FHDC1: variants seen among roughly 807,000 people sequenced by gnomAD.
FHDC1 encodes FH2 domain containing 1, also known as FH2 domain-containing protein 1.
FHDC1 carries 25 observed loss-of-function variants against 52.6 expected under a neutral mutation model. The ratio of observed to expected loss-of-function variants is 0.48; its 90% confidence interval spans 0.35 to 0.66. FHDC1 has a LOEUF of 0.66. Ranked by LOEUF, FHDC1 falls within the 30% of genes least tolerant of loss-of-function variation. FHDC1 has a pLI of 0.01. For missense variants in FHDC1, 1,459 were observed against 1,452.8 expected, an observed-to-expected ratio of 1.00 and a Z score of -0.07; for synonymous variants, 616 against 581.5, an observed-to-expected ratio of 1.06 and a Z score of -0.85.
the FHDC1 span, among the ~76,000 whole-genome samples, chr4:152,915,346 A>G: frequency 6.6e-6 from 1 of 152,152 alleles, no homozygotes; most frequent in African/African-American, 2.4e-5. Flanking sequence ...CTCCTTCAAT[A>G]TACGTAATTC....
chr4:152,938,137 G>T (rs376047460), intron 1 of FHDC1, among the ~76,000 whole-genome samples: 42 of 151,874 alleles, frequency 2.8e-4, no homozygotes, highest in East Asian at 2.7e-3. Context: ...TTCCTGGAAG[G>T]AGCAGCCGGC....
the FHDC1 span, among the ~76,000 whole-genome samples, chr4:152,926,579 TAA>T: frequency 1.2e-3 from 161 of 128,878 alleles, no homozygotes; most frequent in Admixed American, 1.2e-3. Context: ...CTTGGTTAGT[TAA>T]AAAAAAAAAA....
chr4:152,913,893 C>A, the FHDC1 span, among the ~76,000 whole-genome samples: 2 of 152,140 alleles, frequency 1.3e-5, no homozygotes, highest in Non-Finnish European at 2.9e-5. Context: ...GTGGGTCAGG[C>A]TGGTCTCGAA....
At position 152,975,214 on chromosome 4, in the gene FHDC1, C is replaced by T. The variant is rs151164271; in HGVS notation, c.1923C>T (p.Gly641=). 504 of 1,613,294 alleles carry T rather than the reference C, an allele frequency of 3.1e-4. 1 individual carries two copies. The African/African-American group carries it at 5.2e-3, about 17-fold the overall frequency. The change falls in exon 12 of 12, where the codon GGC becomes GGT. Residue 641 remains glycine, a synonymous_variant. Transcript: ENST00000511601. ...CCTTCCCCAGAGCTCGGCGCCAGGG[C>T]GTCAGTGTCCTCCGAAAGAGGTACA... ...ASAFPRARRQ[G]VSVLRKRYSE...
intron 6 of FHDC1, 47 bp downstream of exon 6, chr4:152,960,891 G>A (rs775916311): frequency 7.8e-6 from 11 of 1,411,340 alleles, no homozygotes; most frequent in South Asian, 2.7e-5. Context: ...TATTAATTTC[G>A]ATAGCAGTTT....
chr4:152,943,226 T>TCCCCCCCCC lies in FHDC1; in HGVS notation c.173_174insCCCCCCCCC (p.Pro63_Pro65dup). The TCCCCCCCCC allele has an allele frequency of 1.2e-6, 2 of 1,603,514 alleles. No homozygotes were observed. The highest frequency in any genetic ancestry group is 1.7e-5 in the Admixed American group (1 of 59,114). On this transcript the variant is annotated inframe_insertion, in exon 2 of 12. Transcript: ENST00000511601. ...ATGTTCAAGGGAAGAGTGTCCTTCC[T>TCCCCCCCCC]CCCCTCCTCCACCCCCACCACCTCC... is the stretch of plus-strand genomic sequence containing the variant.
the FHDC1 span, chr4:152,927,831 A>C: frequency 2.1e-6 from 3 of 1,434,668 alleles, no homozygotes; most frequent in Non-Finnish European, 2.9e-6. Flanking sequence ...CAAGAGAACA[A>C]GAAGGAAGTG....
At chr4:152,929,768 G>A in the FHDC1 span, among the ~76,000 whole-genome samples, 4 of 152,074 alleles carry the variant, frequency 2.6e-5, no homozygotes, top group South Asian at 2.1e-4. The surrounding 1 kb of genome is among the most constrained non-coding windows in gnomAD (Gnocchi z 4.1). Flanking sequence ...TCTCCTTATC[G>A]AATAAGATAA....
the FHDC1 span, among the ~76,000 whole-genome samples, chr4:152,929,956 T>C: frequency 6.6e-6 from 1 of 152,208 alleles, no homozygotes; most frequent in Non-Finnish European, 1.5e-5. The surrounding 1 kb of genome is among the most constrained non-coding windows in gnomAD (Gnocchi z 4.1). Flanking sequence ...AATTGTATCT[T>C]GTTTTTGTGA....
At chr4:152,927,749 A>G in the FHDC1 span, 1 of 1,424,268 alleles carries the variant, frequency 7.0e-7, no homozygotes, top group Non-Finnish European at 9.9e-7. Context: ...ACTAATAGAA[A>G]AGCAACAAAG....
intron 4 of FHDC1, among the ~76,000 whole-genome samples, chr4:152,959,115 A>T (rs1005066720): frequency 6.6e-6 from 1 of 152,234 alleles, no homozygotes; most frequent in African/African-American, 2.4e-5. Flanking sequence ...AGTGGAAGAT[A>T]ATAAGCTTTA....
At chr4:152,928,637 G>A in the FHDC1 span, among the ~76,000 whole-genome samples, 1 of 152,216 alleles carries the variant, frequency 6.6e-6, no homozygotes, top group Non-Finnish European at 1.5e-5. Context: ...GTAGATGAAT[G>A]TGTTGTTTGG....
chr4:152,937,566 G>A (rs963230391), intron 1 of FHDC1, among the ~76,000 whole-genome samples: 17 of 151,900 alleles, frequency 1.1e-4, no homozygotes, highest in Admixed American at 1.1e-3. Context: ...TGCAGCCGCC[G>A]GACGGGAGAG....
At chr4:152,957,564 T>C (rs1740136627) in intron 4 of FHDC1, among the ~76,000 whole-genome samples, 1 of 152,174 alleles carries the variant, frequency 6.6e-6, no homozygotes, top group South Asian at 2.1e-4. Context: ...AGGGCAAAGG[T>C]TGTCAAAACC....
chr4:152,972,122 G>C (rs1286347315), intron 10 of FHDC1, among the ~76,000 whole-genome samples: 1 of 152,170 alleles, frequency 6.6e-6, no homozygotes, highest in Non-Finnish European at 1.5e-5. Flanking sequence ...CGTTCTGCAG[G>C]TTAAAGTTCT....
chr4:152,934,547 A>T (rs1422061201), upstream of FHDC1, among the ~76,000 whole-genome samples: 1 of 152,136 alleles, frequency 6.6e-6, no homozygotes, highest in Non-Finnish European at 1.5e-5. Context: ...GCTTTCCTTT[A>T]AGAAGTTCCC....
At position 152,943,282 on chromosome 4, in the gene FHDC1, C is replaced by G; in HGVS notation, c.225C>G (p.Pro75=). Residue 75 remains proline (P), a synonymous_variant, in exon 2 of 12, where the codon CCC becomes CCG. Coordinates refer to ENST00000511601, the MANE Select transcript of FHDC1 (RefSeq NM_001371116.1). ...CTGGGGAGCCTCCCATCCCACCTCC[C>G]CCACCAGGCCTACCCCCAACTACTC... ...PLPGEPPIPP[P]PPGLPPTTHM... is the part of the protein sequence containing the mutation. 1 of 1,611,276 alleles carries G rather than the reference C, an allele frequency of 6.2e-7. No homozygotes were observed. Among genetic ancestry groups the G allele is most frequent in the South Asian group, 1.1e-5 (1 of 90,976 alleles).
chr4:152,927,869 G>A, the FHDC1 span: 1 of 1,399,896 alleles, frequency 7.1e-7, no homozygotes, highest in Admixed American at 1.7e-5. Flanking sequence ...GAAGCCCTTA[G>A]AAACCAAGAA....
At chr4:152,970,947 C>T (rs1740620784) in intron 10 of FHDC1, among the ~76,000 whole-genome samples, 1 of 152,168 alleles carries the variant, frequency 6.6e-6, no homozygotes, top group South Asian at 2.1e-4. Context: ...CATTTCCCAG[C>T]CCATCCCCAC....
Sources: allele counts gnomAD v4.1 joint callset (sites outside exome capture counted in the v4.1 genomes callset), GRCh38; gene constraint gnomAD v4.1.1; non-coding constraint Gnocchi (gnomAD v3.1); transcripts MANE v1.5; gene names NCBI Gene and HGNC (gene_info 2026-07-23, HGNC 2026-07-21).